Variants in COMMD1 observed in about 807,000 individuals in gnomAD.
COMMD1 encodes COMM domain-containing protein 1.
A neutral mutation model predicts 17.2 loss-of-function variants in COMMD1; 10 were observed. The observed-to-expected ratio is 0.58, with a 90% CI of 0.36 to 0.99. COMMD1 has a LOEUF of 0.99. COMMD1 is among the 50% of genes least tolerant of loss of function. The probability of loss-of-function intolerance (pLI) is 0.01; values close to 1 mark genes in which losing one functional copy is unlikely to be tolerated. For synonymous variants in COMMD1, 97 were observed against 91.6 expected, an observed-to-expected ratio of 1.06 and a Z score of -0.34; for missense variants, 270 against 231.8, an observed-to-expected ratio of 1.17 and a Z score of -1.07.
chr2:62,133,054 G>A (rs1018630816), intron 2 of COMMD1, among the ~76,000 whole-genome samples: 7 of 152,086 alleles, frequency 4.6e-5, no homozygotes, highest in Non-Finnish European at 1.0e-4. Flanking sequence ...TTTTTGCTTT[G>A]GACTAAATGA....
intron 1 of COMMD1, among the ~76,000 whole-genome samples, chr2:61,895,492 G>T (rs940105194): frequency 6.6e-6 from 1 of 152,112 alleles, no homozygotes. Flanking sequence ...TAGGGATCTG[G>T]AGGAGTCATA....
chr2:61,924,858 G>A (rs1470582875), intron 1 of COMMD1, among the ~76,000 whole-genome samples: 4 of 152,162 alleles, frequency 2.6e-5, no homozygotes, highest in Non-Finnish European at 4.4e-5. Flanking sequence ...CGGTGACGAA[G>A]ACTACAGGAG....
chr2:61,956,800 G>C (rs1671209569), intron 1 of COMMD1, among the ~76,000 whole-genome samples: 1 of 152,012 alleles, frequency 6.6e-6, no homozygotes, highest in Admixed American at 6.6e-5. Flanking sequence ...CGCCAGGCTG[G>C]TATGCAGTGG....
At chr2:62,057,076 C>T (rs931709979) in intron 2 of COMMD1, among the ~76,000 whole-genome samples, 4 of 152,106 alleles carry the variant, frequency 2.6e-5, no homozygotes, top group South Asian at 2.1e-4. Context: ...CCCACCACCC[C>T]CAATCCTGCA....
chr2:62,032,511 G>T (rs1669934633), intron 2 of COMMD1, among the ~76,000 whole-genome samples: 1 of 152,166 alleles, frequency 6.6e-6, no homozygotes, highest in African/African-American at 2.4e-5. Context: ...ACTCCAGCAT[G>T]GATGACAGAG....
chr2:62,076,567 T>C (rs1573153410), intron 2 of COMMD1, among the ~76,000 whole-genome samples: 1 of 151,642 alleles, frequency 6.6e-6, no homozygotes, highest in African/African-American at 2.4e-5. Flanking sequence ...GGCAACATGG[T>C]GAAACCCCGT....
intron 2 of COMMD1, among the ~76,000 whole-genome samples, chr2:62,062,062 G>A (rs1198395314): frequency 6.6e-6 from 1 of 151,736 alleles, no homozygotes; most frequent in Non-Finnish European, 1.5e-5. Context: ...AAGGACTGTG[G>A]AGTCAAACTG....
intron 1 of COMMD1, among the ~76,000 whole-genome samples, chr2:61,951,607 T>C (rs1671055772): frequency 6.6e-6 from 1 of 152,226 alleles, no homozygotes; most frequent in African/African-American, 2.4e-5. Flanking sequence ...GGGACTTTCA[T>C]TATTTTAACA....
chr2:62,034,146 C>T (rs1669982673), intron 2 of COMMD1, among the ~76,000 whole-genome samples: 1 of 147,832 alleles, frequency 6.8e-6, no homozygotes, highest in Non-Finnish European at 1.5e-5. Flanking sequence ...ATTTGAAATT[C>T]AGCCTGTTGG....
At chr2:61,978,297 C>G (rs1206084739) in intron 1 of COMMD1, among the ~76,000 whole-genome samples, 2 of 152,106 alleles carry the variant, frequency 1.3e-5, no homozygotes, top group African/African-American at 4.8e-5. Flanking sequence ...CAGGAACTGA[C>G]TTTCTGTGGT....
intron 2 of COMMD1, chr2:62,100,303 C>T (rs771031411): frequency 7.9e-5 from 12 of 152,240 alleles, no homozygotes; most frequent in East Asian, 5.8e-4. Flanking sequence ...TGTGGCCCCA[C>T]GTGTTTGGGC....
chr2:61,915,597 C>A, intron 1 of COMMD1: 1 of 388,078 alleles, frequency 2.6e-6, no homozygotes, highest in South Asian at 1.9e-5. Context: ...TCCAATGATC[C>A]TCCCACCTCA....
upstream of COMMD1, among the ~76,000 whole-genome samples, chr2:61,901,981 C>T (rs879848612): frequency 7.9e-5 from 12 of 151,870 alleles, no homozygotes; most frequent in African/African-American, 2.7e-4. Flanking sequence ...TACAGGCACG[C>T]GCCATCACGC....
rs546956482 is a variant in COMMD1, at chr2:62,078,772, T to G, written c.463-57059T>G. On this transcript the variant is annotated intron_variant, in intron 2 of 2. Coordinates refer to ENST00000311832, the MANE Select transcript of COMMD1 (RefSeq NM_152516.4). ...CATGCCTGTAATCCCAGCCACTCGG[T>G]AGGCTGAGGCAGGAGAATGGCGTGA... Among the ~76,000 whole-genome samples the G allele has an allele frequency of 6.7e-3, 827 of 123,096 alleles. No homozygotes were observed. In the Middle Eastern group the frequency reaches 0.071, roughly 11 times the overall value. The allele number at this position is 123,096 out of a possible 152,430, so 80.8% of individuals were successfully genotyped here.
chr2:61,982,898 C>T (rs1671994906), intron 1 of COMMD1, among the ~76,000 whole-genome samples: 1 of 152,122 alleles, frequency 6.6e-6, no homozygotes, highest in Admixed American at 6.5e-5. Context: ...ATGATCTTAA[C>T]ATATTATTGA....
At chr2:62,113,701 C>G (rs572303808) in intron 2 of COMMD1, among the ~76,000 whole-genome samples, 2 of 152,318 alleles carry the variant, frequency 1.3e-5, no homozygotes, top group Admixed American at 1.3e-4. Flanking sequence ...CCATTATATT[C>G]TAAGAAATAG....
chr2:62,093,870 A>T (rs990752666), intron 2 of COMMD1, among the ~76,000 whole-genome samples: 2 of 152,210 alleles, frequency 1.3e-5, no homozygotes, highest in African/African-American at 4.8e-5. Flanking sequence ...ATTGGCTCTC[A>T]GTAAATATAT....
chr2:61,981,963 G>A (rs907241985), intron 1 of COMMD1, among the ~76,000 whole-genome samples: 3 of 152,058 alleles, frequency 2.0e-5, no homozygotes, highest in African/African-American at 4.8e-5. Flanking sequence ...TAGCTTTGGC[G>A]ATTCTGGGTC....
intron 2 of COMMD1, among the ~76,000 whole-genome samples, chr2:62,073,038 A>G (rs1671243071): frequency 6.6e-6 from 1 of 152,214 alleles, no homozygotes; most frequent in Admixed American, 6.5e-5. Context: ...CCAGCTGGCA[A>G]AGTGGCACTG....
Sources: allele counts gnomAD v4.1 joint callset (sites outside exome capture counted in the v4.1 genomes callset), GRCh38; gene constraint gnomAD v4.1.1; transcripts MANE v1.5; gene names NCBI Gene and HGNC (gene_info 2026-07-23, HGNC 2026-07-21).